The following NTM variants were observed in gnomAD, a reference collection of about 807,000 sequenced individuals.
The protein encoded by NTM is IgLON family member 2.
A neutral mutation model predicts 42.1 loss-of-function variants in NTM; 13 were observed. The ratio of observed to expected loss-of-function variants is 0.31; its 90% CI spans 0.20 to 0.49. The LOEUF is 0.49. Among genes scored for constraint, NTM ranks in the 20% least tolerant of loss-of-function variants. NTM has a pLI of 0.99. For missense variants in NTM, 373 were observed against 452.8 expected (o/e 0.82, Z 1.60); for synonymous variants, 187 against 179.2 (o/e 1.04, Z -0.35).
intron 1 of NTM, among the ~76,000 whole-genome samples, chr11:131,813,470 G>A (rs561152661): frequency 8.5e-5 from 13 of 152,242 alleles, no homozygotes; most frequent in Non-Finnish European, 1.2e-4. Context: ...TGTAAAGGAC[G>A]GATGAAGGCT....
At position 131,483,296 on chromosome 11, in the gene NTM, A is replaced by G. The variant is rs60302582; in HGVS notation, c.82+112408A>G. Among the ~76,000 whole-genome samples the G allele has an allele frequency of 1.5e-3, 225 of 152,246 alleles. 4 individuals are homozygous for G. In the East Asian group the frequency reaches 0.035, roughly 23 times the overall value. On this transcript the variant is annotated intron_variant, in intron 1 of 8. Coordinates refer to ENST00000683400, the MANE Select transcript of NTM (RefSeq NM_001352005.2). ...TGGAGTGTGTTGAATATTGCCAAAG[A>G]CCAAGAAGTCCCCTACTCTCTGTGG...
chr11:131,457,977 T>C (rs187666423), intron 1 of NTM, among the ~76,000 whole-genome samples: 4 of 152,282 alleles, frequency 2.6e-5, no homozygotes, highest in Non-Finnish European at 5.9e-5. Context: ...CTGTGAGAAA[T>C]GCATTTCTGT....
chr11:131,706,225 T>C (rs1158099591), intron 1 of NTM, among the ~76,000 whole-genome samples: 1 of 151,388 alleles, frequency 6.6e-6, no homozygotes, highest in African/African-American at 2.4e-5. Flanking sequence ...TCAAAAATTG[T>C]CAGAAGAGAC....
intron 6 of NTM, among the ~76,000 whole-genome samples, chr11:132,313,424 CTT>C (rs1483944583): frequency 2.0e-5 from 3 of 152,292 alleles, no homozygotes; most frequent in East Asian, 1.9e-4. Flanking sequence ...AAACAGGAAA[CTT>C]AGCTTTGTGT....
At chr11:131,798,963 A>G (rs1158321515) in intron 1 of NTM, among the ~76,000 whole-genome samples, 1 of 152,198 alleles carries the variant, frequency 6.6e-6, no homozygotes, top group African/African-American at 2.4e-5. Context: ...TTAACAATGC[A>G]TTTCCAGCAA....
intron 2 of NTM, among the ~76,000 whole-genome samples, chr11:131,933,057 C>T (rs532173167): frequency 2.0e-5 from 3 of 152,322 alleles, no homozygotes; most frequent in East Asian, 1.9e-4. Flanking sequence ...TCCTCCACAG[C>T]GCCAACTGTC....
intron 1 of NTM, among the ~76,000 whole-genome samples, chr11:131,474,744 T>C (rs1328148933): frequency 6.6e-6 from 1 of 152,156 alleles, no homozygotes; most frequent in Admixed American, 6.5e-5. Context: ...GATATCACTC[T>C]CTTAGTTATA....
chr11:132,007,030 C>T (rs896701375), intron 2 of NTM, among the ~76,000 whole-genome samples: 6 of 152,212 alleles, frequency 3.9e-5, no homozygotes, highest in African/African-American at 1.4e-4. Context: ...TCTGTCATGA[C>T]ATCCAGTGAC....
intron 1 of NTM, among the ~76,000 whole-genome samples, chr11:131,598,822 CT>C: frequency 2.4e-5 from 1 of 42,230 alleles, no homozygotes; most frequent in African/African-American, 7.3e-5. Context: ...TTCTTTCTTT[CT>C]TTCTTCTTTC....
chr11:131,900,533 A>T (rs2052995090), intron 1 of NTM, among the ~76,000 whole-genome samples: 1 of 152,230 alleles, frequency 6.6e-6, no homozygotes, highest in African/African-American at 2.4e-5. Context: ...AGGAATCCAG[A>T]TAAGAAAATG....
chr11:131,947,954 T>G (rs906595023), intron 2 of NTM, among the ~76,000 whole-genome samples: 16 of 152,256 alleles, frequency 1.1e-4, no homozygotes, highest in South Asian at 2.1e-4. Context: ...GTACTTATTA[T>G]TAGTAGTAGT....
chr11:131,474,798 TCTC>T (rs1952767651), intron 1 of NTM, among the ~76,000 whole-genome samples: 1 of 152,110 alleles, frequency 6.6e-6, no homozygotes, highest in South Asian at 2.1e-4. Context: ...TAGCCCCTAT[TCTC>T]CTTACGCCAC....
Position 131,580,565 on chromosome 11 carries a change from C to A in NTM, c.82+209677C>A, listed in dbSNP as rs986686564. On this transcript the variant is annotated intron_variant, in intron 1 of 8. Transcript: ENST00000683400. The stretch of plus-strand genomic sequence containing the variant: ...AGGGCTATTCCGTAGGGCTGAGAAC[C>A]CACAGAACTGTCTCCTATTGGCAAA... Among the ~76,000 whole-genome samples, 126 of 152,074 alleles carry A rather than the reference C, an allele frequency of 8.3e-4. 7 individuals carry two copies. Among genetic ancestry groups the A allele is most frequent in the Non-Finnish European group, 8.8e-5 (6 of 68,022 alleles).
intron 1 of NTM, among the ~76,000 whole-genome samples, chr11:131,512,244 C>T (rs867216756): frequency 7.9e-5 from 12 of 152,182 alleles, no homozygotes; most frequent in African/African-American, 2.2e-4. Flanking sequence ...GAATTGATTA[C>T]GGAAAAATCA....
rs142497413 is a variant in NTM at position 131,732,801 on chromosome 11, G to A, written c.83-178763G>A. Among the ~76,000 whole-genome samples the A allele has an allele frequency of 6.5e-3, 984 of 152,268 alleles. 10 individuals are homozygous for A. Among genetic ancestry groups the A allele is most frequent in the Non-Finnish European group, 0.01 (714 of 68,042 alleles). On this transcript the variant is annotated intron_variant, in intron 1 of 8. Coordinates refer to ENST00000683400, the MANE Select transcript of NTM (RefSeq NM_001352005.2). ...CTTTTGCTAGGATACAGAATCTACAGATGAGACATACATTTTCTGGAGTCA... is the reference window on the plus strand; with the variant it reads ...CTTTTGCTAGGATACAGAATCTACAAATGAGACATACATTTTCTGGAGTCA...
intron 4 of NTM, among the ~76,000 whole-genome samples, chr11:132,231,324 A>G (rs1352333239): frequency 6.6e-6 from 1 of 152,316 alleles, no homozygotes; most frequent in South Asian, 2.1e-4. Flanking sequence ...CCAAGTCTCC[A>G]TGTCCCCTCA....
At chr11:131,906,610 C>T (rs2053890988) in intron 1 of NTM, among the ~76,000 whole-genome samples, 1 of 152,184 alleles carries the variant, frequency 6.6e-6, no homozygotes, top group Admixed American at 6.5e-5. Flanking sequence ...TGGGCACCTG[C>T]CTTTCGCTGC....
intron 1 of NTM, among the ~76,000 whole-genome samples, chr11:131,709,051 G>A (rs1249164396): frequency 6.6e-6 from 1 of 151,984 alleles, no homozygotes. Context: ...TTCTATACAG[G>A]GAAAAAAAGG....
chr11:132,052,773 CTGTGTGTGTGTG>C (rs5795753), intron 2 of NTM, among the ~76,000 whole-genome samples: 6 of 148,272 alleles, frequency 4.0e-5, no homozygotes, highest in African/African-American at 2.5e-5. Context: ...TCCAGGCTCA[CTGTGTGTGTGTG>C]TGTGTGTGTG....
Sources: allele counts gnomAD v4.1 joint callset (sites outside exome capture counted in the v4.1 genomes callset), GRCh38; gene constraint gnomAD v4.1.1; transcripts MANE v1.5; gene names NCBI Gene and HGNC (gene_info 2026-07-23, HGNC 2026-07-21).